The following FMN1 variants were observed in gnomAD, a reference collection of about 807,000 sequenced individuals.
FMN1 encodes formin 1.
A neutral mutation model predicts 132.4 loss-of-function variants in FMN1; 110 were observed. The ratio of observed to expected loss-of-function variants is 0.83; its 90% CI spans 0.71 to 0.97. FMN1 has a LOEUF of 0.97. FMN1 is among the 50% of genes least tolerant of loss of function. The pLI is 0.00. For missense variants in FMN1, 1,792 were observed against 1,705.3 expected, an observed-to-expected ratio of 1.05 and a Z score of -0.90; for synonymous variants, 722 against 651.7, an observed-to-expected ratio of 1.11 and a Z score of -1.64.
chr15:32,955,216 A>G (rs2061737662), intron 9 of FMN1, among the ~76,000 whole-genome samples: 1 of 152,102 alleles, frequency 6.6e-6, no homozygotes, highest in Non-Finnish European at 1.5e-5. Context: ...TGATATCTTT[A>G]TTTTTTAATC....
intron 17 of FMN1, among the ~76,000 whole-genome samples, chr15:32,854,728 C>A (rs2059085649): frequency 6.6e-6 from 1 of 151,946 alleles, no homozygotes; most frequent in Non-Finnish European, 1.5e-5. Context: ...GCCTGGCCAA[C>A]ATAGTGAAAC....
At chr15:32,970,482 A>AC (rs1481689734) in intron 7 of FMN1, among the ~76,000 whole-genome samples, 20 of 152,168 alleles carry the variant, frequency 1.3e-4, no homozygotes, top group Admixed American at 9.2e-4. Context: ...GGAAGTACAT[A>AC]CCTCAGCAGC....
intron 5 of FMN1, among the ~76,000 whole-genome samples, chr15:33,086,670 AAAGT>A (rs1317900529): frequency 3.3e-5 from 5 of 152,226 alleles, no homozygotes; most frequent in Non-Finnish European, 5.9e-5. Flanking sequence ...AATGCAACTT[AAAGT>A]AATTGACCAA....
intron 19 of FMN1, among the ~76,000 whole-genome samples, chr15:32,786,042 G>A (rs1044189784): frequency 3.3e-5 from 5 of 152,176 alleles, no homozygotes; most frequent in Non-Finnish European, 5.9e-5. Flanking sequence ...AACAGGTAAT[G>A]TGCCTTTAAG....
intron 7 of FMN1, among the ~76,000 whole-genome samples, chr15:32,989,735 A>G (rs149745562): frequency 1.1e-4 from 16 of 152,264 alleles, no homozygotes; most frequent in African/African-American, 2.9e-4. Flanking sequence ...CTCAAGGCCT[A>G]TGTTAGGATG....
At chr15:32,948,685 C>T (rs980210075) in intron 9 of FMN1, among the ~76,000 whole-genome samples, 3 of 151,870 alleles carry the variant, frequency 2.0e-5, no homozygotes, top group African/African-American at 7.2e-5. Flanking sequence ...TTATACATTT[C>T]TATTGCATCT....
intron 4 of FMN1, among the ~76,000 whole-genome samples, chr15:33,120,740 G>A (rs1412220528): frequency 6.6e-6 from 1 of 151,934 alleles, no homozygotes; most frequent in African/African-American, 2.4e-5. Flanking sequence ...ATAAGATATG[G>A]AAAAATTTAT....
chr15:32,889,566 A>G (rs2059976015), intron 15 of FMN1, among the ~76,000 whole-genome samples: 1 of 152,056 alleles, frequency 6.6e-6, no homozygotes, highest in Non-Finnish European at 1.5e-5. Flanking sequence ...AACAGACCAC[A>G]ATCTCTTGCT....
At chr15:33,067,313 G>A in intron 5 of FMN1, 1 of 1,613,936 alleles carries the variant, frequency 6.2e-7, no homozygotes, top group Non-Finnish European at 8.5e-7. Context: ...CCCAGTGACA[G>A]TATTTTCCCT....
chr15:32,908,935 T>C (rs1469512646), intron 11 of FMN1, among the ~76,000 whole-genome samples: 2 of 152,240 alleles, frequency 1.3e-5, no homozygotes, highest in East Asian at 1.9e-4. Context: ...TGGGGGAATA[T>C]TGTTCTTAGA....
chr15:33,128,001 G>C (rs183230131), intron 4 of FMN1, among the ~76,000 whole-genome samples: 1 of 152,272 alleles, frequency 6.6e-6, no homozygotes, highest in African/African-American at 2.4e-5. Flanking sequence ...AACGGGGGAA[G>C]GGGAAAATAG....
chr15:32,811,874 C>T (rs1406232754), intron 17 of FMN1, among the ~76,000 whole-genome samples: 4 of 152,114 alleles, frequency 2.6e-5, no homozygotes, highest in African/African-American at 9.7e-5. Flanking sequence ...TCTGAAACTC[C>T]TGACCTCAAG....
intron 15 of FMN1, among the ~76,000 whole-genome samples, chr15:32,895,465 T>C (rs1372744529): frequency 6.6e-6 from 1 of 152,142 alleles, no homozygotes; most frequent in African/African-American, 2.4e-5. Flanking sequence ...GCAAACAGCT[T>C]GACAAGCACA....
chr15:32,885,447 T>C lies in FMN1; in HGVS notation c.3835+2725A>G, dbSNP rs77906601. Among the ~76,000 whole-genome samples the C allele has an allele frequency of 2.3e-3, 353 of 152,320 alleles. 16 individuals are homozygous for C. In the East Asian group the frequency reaches 0.064, roughly 28 times the overall value. On this transcript the variant is annotated intron_variant, in intron 16 of 20. Transcript: ENST00000616417. ...ATGTATTGAACACATGCCTTAGAAGTCGTATCTAGTTTCAAAACTTGACTA... is the reference window on the plus strand; with the variant it reads ...ATGTATTGAACACATGCCTTAGAAGCCGTATCTAGTTTCAAAACTTGACTA...
chr15:33,154,609 CAGG>C lies in FMN1; in HGVS notation c.303_305del (p.Leu102del), dbSNP rs965732193. On this transcript the variant is annotated inframe_deletion, in exon 4 of 21. Transcript: ENST00000616417. ...TGATCCCCAGGATGTGGTCTGAGCT[CAGG>C]AGATTGGTTAGCAGTCTCTCCCTCT... is the stretch of plus-strand genomic sequence containing the variant. 2.9e-5 allele frequency: 44 copies of C among 1,535,936 alleles called. No individual in the cohort carries two copies. In the African/African-American group the frequency reaches 5.8e-4, roughly 20 times the overall value.
Position 33,005,008 on chromosome 15 carries a change from G to A in FMN1, c.2223+3006C>T, listed in dbSNP as rs1020148859. Among the ~76,000 whole-genome samples, 10 of 152,098 alleles carry A rather than the reference G, an allele frequency of 6.6e-5. No individual in the cohort carries two copies. In the South Asian group the frequency reaches 2.1e-3, roughly 32 times the overall value. On this transcript the variant is annotated intron_variant, in intron 7 of 20. Transcript: ENST00000616417. The stretch of plus-strand genomic sequence containing the variant: ...GAACAATGAGAACACGTGGACACAG[G>A]AACGGGAACATCACACACCAGGGAC...
chr15:33,102,043 T>G (rs949640108), intron 4 of FMN1, among the ~76,000 whole-genome samples: 3 of 152,166 alleles, frequency 2.0e-5, no homozygotes, highest in African/African-American at 7.2e-5. Context: ...AGTTTACTTG[T>G]GTCTTCCAAA....
intron 7 of FMN1, among the ~76,000 whole-genome samples, chr15:33,003,526 A>G (rs1489254713): frequency 6.6e-6 from 1 of 152,222 alleles, no homozygotes; most frequent in Non-Finnish European, 1.5e-5. Flanking sequence ...ACTACAAACC[A>G]CTGCTCAATG....
At chr15:33,062,789 T>A (rs560720523) in intron 6 of FMN1, 1 of 152,204 alleles carries the variant, frequency 6.6e-6, no homozygotes, top group Admixed American at 6.5e-5. Flanking sequence ...TTTCTGGATA[T>A]CTTCAAATTT....
Sources: allele counts gnomAD v4.1 joint callset (sites outside exome capture counted in the v4.1 genomes callset), GRCh38; gene constraint gnomAD v4.1.1; transcripts MANE v1.5; gene names NCBI Gene and HGNC (gene_info 2026-07-23, HGNC 2026-07-21).